SDCCAG8: variants seen among roughly 807,000 people sequenced by gnomAD.
SDCCAG8 encodes SHH signaling and ciliogenesis regulator SDCCAG8.
A neutral mutation model predicts 101.8 loss-of-function variants in SDCCAG8; 74 were observed. The observed-to-expected ratio is 0.73, with a 90% CI of 0.60 to 0.88. SDCCAG8 has a LOEUF of 0.88. Among genes scored for constraint, SDCCAG8 ranks in the 40% least tolerant of loss-of-function variants. SDCCAG8 has a pLI of 0.00. For synonymous variants in SDCCAG8, 281 were observed against 292.9 expected, an observed-to-expected ratio of 0.96 and a Z score of 0.41; for missense variants, 787 against 822.6, an observed-to-expected ratio of 0.96 and a Z score of 0.53.
intron 17 of SDCCAG8, among the ~76,000 whole-genome samples, chr1:243,496,548 G>A (rs192370541): frequency 8.1e-5 from 12 of 148,808 alleles, no homozygotes; most frequent in Non-Finnish European, 1.6e-4. Context: ...GCGGACAGCA[G>A]GGGGGGAAGG....
chr1:243,342,375 A>T (rs1299666725), intron 11 of SDCCAG8, among the ~76,000 whole-genome samples: 1 of 152,232 alleles, frequency 6.6e-6, no homozygotes, highest in Non-Finnish European at 1.5e-5. Context: ...GAGATAACAT[A>T]GTTCTGGTTC....
At chr1:243,260,641 G>C (rs2067130054) in intron 1 of SDCCAG8, among the ~76,000 whole-genome samples, 1 of 152,046 alleles carries the variant, frequency 6.6e-6, no homozygotes, top group Non-Finnish European at 1.5e-5. Flanking sequence ...TGCAGCGTTG[G>C]GAATAGATAA....
intron 16 of SDCCAG8, among the ~76,000 whole-genome samples, chr1:243,439,929 C>T (rs2082416598): frequency 1.3e-5 from 2 of 152,142 alleles, no homozygotes; most frequent in South Asian, 2.1e-4. Context: ...CTACTAGGGG[C>T]CTTTCAGGCT....
chr1:243,291,092 C>T (rs995121178), intron 5 of SDCCAG8, among the ~76,000 whole-genome samples: 13 of 152,186 alleles, frequency 8.5e-5, no homozygotes, highest in African/African-American at 2.7e-4. Flanking sequence ...TTACCACGTT[C>T]GAGCATGATG....
intron 8 of SDCCAG8, among the ~76,000 whole-genome samples, chr1:243,309,936 T>C (rs1316684427): frequency 6.6e-6 from 1 of 152,168 alleles, no homozygotes; most frequent in Non-Finnish European, 1.5e-5. Context: ...CAATCTTGGC[T>C]CTCTGCAACC....
chr1:243,379,218 G>A (rs2077788043), intron 13 of SDCCAG8, among the ~76,000 whole-genome samples: 1 of 152,082 alleles, frequency 6.6e-6, no homozygotes, highest in South Asian at 2.1e-4. Context: ...ATTCATTTAG[G>A]AAAATAATAA....
At chr1:243,493,261 G>A (rs931558841) in intron 17 of SDCCAG8, among the ~76,000 whole-genome samples, 3 of 151,932 alleles carry the variant, frequency 2.0e-5, no homozygotes, top group Non-Finnish European at 4.4e-5. Flanking sequence ...GAGGGTGGTG[G>A]GTCTCAGGGG....
At position 243,380,682 on chromosome 1, in the gene SDCCAG8, C is replaced by CT. The variant is rs918846129; in HGVS notation, c.1616+1830dup. Among the ~76,000 whole-genome samples the CT allele has an allele frequency of 6.0e-3, 861 of 142,898 alleles. 4 individuals carry two copies. Among genetic ancestry groups the CT allele is most frequent in the African/African-American group, 0.014 (531 of 39,290 alleles). The allele number at this position is 142,898 out of a possible 152,430, so 93.7% of individuals were successfully genotyped here. On this transcript the variant is annotated intron_variant, in intron 13 of 17. Transcript: ENST00000366541. ...CGGTTTTGCTTGGTTCCATAGAAAG[C>CT]TTTTTTTTTTTGTTGAGCTTTATTT... is the stretch of plus-strand genomic sequence containing the variant.
intron 13 of SDCCAG8, among the ~76,000 whole-genome samples, chr1:243,395,545 T>A (rs2078983746): frequency 6.6e-6 from 1 of 152,200 alleles, no homozygotes; most frequent in Admixed American, 6.5e-5. Context: ...AGAAAATCCA[T>A]ACATTAAATT....
At chr1:243,265,363 G>T (rs2067503822) in intron 1 of SDCCAG8, among the ~76,000 whole-genome samples, 1 of 152,150 alleles carries the variant, frequency 6.6e-6, no homozygotes, top group Non-Finnish European at 1.5e-5. Context: ...CTAAAGCCTT[G>T]TGTGTCACTT....
intron 16 of SDCCAG8, among the ~76,000 whole-genome samples, chr1:243,480,065 C>A (rs1472528759): frequency 6.6e-6 from 1 of 151,406 alleles, no homozygotes. Flanking sequence ...TCCCCCATTT[C>A]CAAGTTCAGC....
chr1:243,464,086 A>G (rs897376622), intron 16 of SDCCAG8, among the ~76,000 whole-genome samples: 2 of 152,198 alleles, frequency 1.3e-5, no homozygotes, highest in Admixed American at 6.5e-5. Flanking sequence ...CTAGAGGGGA[A>G]CAAAAGTGGC....
intron 6 of SDCCAG8, among the ~76,000 whole-genome samples, chr1:243,296,286 G>T (rs890240311): frequency 1.3e-5 from 2 of 152,098 alleles, no homozygotes; most frequent in East Asian, 1.9e-4. Flanking sequence ...GTGAACCACT[G>T]CACCCGGCCA....
At chr1:243,434,191 C>T (rs1219411070) in intron 16 of SDCCAG8, among the ~76,000 whole-genome samples, 1 of 152,192 alleles carries the variant, frequency 6.6e-6, no homozygotes, top group African/African-American at 2.4e-5. Flanking sequence ...AATGGTTTCC[C>T]AGTAACTACA....
intron 4 of SDCCAG8, among the ~76,000 whole-genome samples, chr1:243,283,411 AT>A (rs2069255995): frequency 1.4e-5 from 2 of 147,846 alleles, no homozygotes; most frequent in Non-Finnish European, 3.0e-5. Flanking sequence ...TTATATATAT[AT>A]ATATACATGT....
chr1:243,275,642 G>C (rs573835174), intron 4 of SDCCAG8, among the ~76,000 whole-genome samples: 34 of 152,144 alleles, frequency 2.2e-4, no homozygotes, highest in African/African-American at 8.0e-4. Flanking sequence ...CTAAGATGTT[G>C]TGGATAAAAC....
intron 16 of SDCCAG8, among the ~76,000 whole-genome samples, chr1:243,443,038 G>T (rs558917746): frequency 6.6e-6 from 1 of 152,238 alleles, no homozygotes; most frequent in South Asian, 2.1e-4. Context: ...CACTTATTTT[G>T]ATGCAAAGAG....
intron 16 of SDCCAG8, among the ~76,000 whole-genome samples, chr1:243,477,008 A>ACACACACACACG (rs1662550813): frequency 1.4e-5 from 1 of 69,838 alleles, no homozygotes; most frequent in Non-Finnish European, 3.4e-5. Context: ...GTACACACAC[A>ACACACACACACG]CACACACACA....
chr1:243,419,977 T>G (rs1332459785), intron 15 of SDCCAG8, among the ~76,000 whole-genome samples: 1 of 152,194 alleles, frequency 6.6e-6, no homozygotes, highest in African/African-American at 2.4e-5. Flanking sequence ...GAACAGTACT[T>G]TGTAAATTGG....
Sources: allele counts gnomAD v4.1 joint callset (sites outside exome capture counted in the v4.1 genomes callset), GRCh38; gene constraint gnomAD v4.1.1; transcripts MANE v1.5; gene names NCBI Gene and HGNC (gene_info 2026-07-23, HGNC 2026-07-21).